ERBB2: variants seen among roughly 807,000 people sequenced by gnomAD.
The protein encoded by ERBB2 is erb-b2 receptor tyrosine kinase 2.
A neutral mutation model predicts 149.0 loss-of-function variants in ERBB2; 61 were observed. The ratio of observed to expected loss-of-function variants is 0.41; its 90% CI spans 0.33 to 0.51. ERBB2 has a LOEUF of 0.51. Among genes scored for constraint, ERBB2 ranks in the 20% least tolerant of loss-of-function variants. The probability of loss-of-function intolerance (pLI) is 0.25; values close to 1 mark genes in which losing one functional copy is unlikely to be tolerated. For synonymous variants in ERBB2, 633 were observed against 678.8 expected, an observed-to-expected ratio of 0.93 and a Z score of 1.05; for missense variants, 1,205 against 1,655.1, an observed-to-expected ratio of 0.73 and a Z score of 4.72.
intron 2 of ERBB2, chr17:39,708,100 G>A (rs1567897924): frequency 8.2e-6 from 4 of 486,150 alleles, no homozygotes; most frequent in Non-Finnish European, 1.5e-5. Flanking sequence ...CGGAGTTTAT[G>A]AAATGCCCCC....
rs2143075844 is a variant in ERBB2, at chr17:39,725,828, T to C, written c.2847T>C (p.Ile949=). 1 of 1,613,904 alleles carries C rather than the reference T, an allele frequency of 6.2e-7. No homozygotes were observed. Among genetic ancestry groups the C allele is most frequent in the Non-Finnish European group, 8.5e-7 (1 of 1,179,948 alleles). The stretch of plus-strand genomic sequence containing the variant: ...TGCCCCAGCCCCCCATCTGCACCAT[T>C]GATGTCTACATGATCATGGTCAAAT... ...ERLPQPPICT[I]DVYMIMVKCW... is the part of the protein sequence containing the mutation. Residue 949 remains isoleucine, a synonymous_variant, in exon 23 of 27, where the codon ATT becomes ATC. Coordinates refer to ENST00000269571, the MANE Select transcript of ERBB2 (RefSeq NM_004448.4). The surrounding 1 kb of genome is among the most constrained non-coding windows in gnomAD (Gnocchi z 4.6).
In ERBB2 at chr17:39,700,176, G is replaced by A. The variant is rs1445466395; in HGVS notation, c.-63G>A. 1.5e-6 allele frequency: 2 copies of A among 1,349,864 alleles called. No individual in the cohort carries two copies. The highest frequency in any genetic ancestry group is 3.8e-5 in the Admixed American group (1 of 26,612). 83.6% of individuals were successfully genotyped at this position (1,349,864 alleles called of 1,614,324 possible). On this transcript the variant is annotated 5_prime_UTR_variant, in exon 1 of 27. Transcript: ENST00000269571. ...CGGCCCCCACCCCTCGCAGCACCCC[G>A]CGCCCCGCGCCCTCCCAGCCGGGTC... is the stretch of plus-strand genomic sequence containing the variant.
Position 39,723,508 on chromosome 17 carries a change from C to A in ERBB2, c.2086-30C>A. ...CCCGCGTGGGGTCTGCACCGGCCCC[C>A]GGCACTGACCCACCACCCCCTCACC... is the stretch of plus-strand genomic sequence containing the variant. On this transcript the variant is annotated intron_variant, in intron 17 of 26. Coordinates refer to ENST00000269571, the MANE Select transcript of ERBB2 (RefSeq NM_004448.4). The surrounding 1 kb of genome is among the most constrained non-coding windows in gnomAD (Gnocchi z 6.2). The A allele has an allele frequency of 6.2e-7, 1 of 1,613,444 alleles. No homozygotes were observed.
At chr17:39,698,111 G>A (rs2057909236), upstream of ERBB2, among the ~76,000 whole-genome samples, 1 of 152,160 alleles carries the variant, frequency 6.6e-6, no homozygotes, top group Non-Finnish European at 1.5e-5. Context: ...ATTATTATGT[G>A]CCAAGTATTG....
In ERBB2 at chr17:39,715,915, G is replaced by A. The variant is rs145762641; in HGVS notation, c.1489G>A (p.Ala497Thr). Reference sequence around the variant, plus strand: ...CCCGCACCAAGCTCTGCTCCACACTGCCAACCGGCCAGAGGACGAGTGTGG... The same window carrying A: ...CCCGCACCAAGCTCTGCTCCACACTACCAACCGGCCAGAGGACGAGTGTGG... Reference protein sequence around the residue: ...RNPHQALLHTANRPEDECVGE... With the variant: ...RNPHQALLHTTNRPEDECVGE... Residue 497 changes from alanine (A) to threonine (T), a missense_variant, in exon 12 of 27, where the codon GCC becomes ACC. Around this residue, in one of 6 missense-constraint regions of ERBB2, gnomAD observed 569 missense variants for 803.5 expected, o/e 0.71. Transcript: ENST00000269571. 65 of 1,611,006 alleles carry A rather than the reference G, an allele frequency of 4.0e-5. No individual in the cohort carries two copies. The African/African-American group carries it at 7.5e-4, about 18-fold the overall frequency.
Position 39,727,620 on chromosome 17 carries a change from G to C in ERBB2, c.3413-69G>C. On this transcript the variant is annotated intron_variant, in intron 26 of 26. Coordinates refer to ENST00000269571, the MANE Select transcript of ERBB2 (RefSeq NM_004448.4). This position sits in a 1 kb window ranked among gnomAD's most constrained non-coding sequence, Gnocchi z 4.3. ...GACCTTCAGCCCAGGGTCCACTGTG[G>C]GGGCAGAGGGAGTGGCAGAGACACC... is the stretch of plus-strand genomic sequence containing the variant. 1 of 1,562,586 alleles carries C rather than the reference G, an allele frequency of 6.4e-7. No individual in the cohort carries two copies. Among genetic ancestry groups the C allele is most frequent in the Non-Finnish European group, 8.6e-7 (1 of 1,158,212 alleles).
upstream of ERBB2, among the ~76,000 whole-genome samples, chr17:39,697,519 G>T (rs1328861322): frequency 1.3e-5 from 2 of 151,796 alleles, no homozygotes; most frequent in Non-Finnish European, 2.9e-5. Flanking sequence ...ACCATGCCCG[G>T]CTAATTTTGT....
intron 8 of ERBB2, 92 bp downstream of exon 8, chr17:39,712,139 A>T: frequency 1.3e-6 from 2 of 1,590,828 alleles, no homozygotes; most frequent in Non-Finnish European, 1.7e-6. Flanking sequence ...CCTTCCTCAG[A>T]CCCTCTTGGG....
rs2145474272 is a variant in ERBB2, at chr17:39,709,394, C to T, written c.516C>T (p.Ile172=). The T allele has an allele frequency of 6.2e-7, 1 of 1,614,080 alleles. No homozygotes were observed. The highest frequency in any genetic ancestry group is 8.5e-7 in the Non-Finnish European group (1 of 1,179,994). The change falls in exon 4 of 27, where the codon ATC becomes ATT. Residue 172 remains isoleucine, a synonymous_variant. Transcript: ENST00000269571. The part of the protein sequence containing the change: ...CYQDTILWKD[I]FHKNNQLALT... Reference sequence around the variant, plus strand: ...AGGACACGATTTTGTGGAAGGACATCTTCCACAAGAACAACCAGCTGGCTC... The same window carrying T: ...AGGACACGATTTTGTGGAAGGACATTTTCCACAAGAACAACCAGCTGGCTC...
rs2059770031 is a variant in ERBB2 at position 39,726,488 on chromosome 17, A to AG, written c.2873-69dup. 8.0e-7 allele frequency: 1 copy of AG among 1,247,030 alleles called. No individual in the cohort carries two copies. The highest frequency in any genetic ancestry group is 1.5e-5 in the African/African-American group (1 of 67,420). The allele number at this position is 1,247,030 out of a possible 1,614,324, so 77.2% of individuals were successfully genotyped here. A position where few individuals can be genotyped will look rare whatever the true frequency, so the allele number is the denominator to read the frequency against. On this transcript the variant is annotated intron_variant, in intron 23 of 26. Transcript: ENST00000269571. The surrounding 1 kb of genome is among the most constrained non-coding windows in gnomAD (Gnocchi z 5.1). The stretch of plus-strand genomic sequence containing the variant: ...CTTGGGACTGTCTAGACCAGACTGG[A>AG]GGGGGAGTGGGAGGGGAGAGGCAGC...
In ERBB2 at chr17:39,700,288, C is replaced by T. The variant is rs2145269330; in HGVS notation, c.50C>T (p.Pro17Leu). 1.4e-6 allele frequency: 2 copies of T among 1,430,432 alleles called. No individual in the cohort carries two copies. Among genetic ancestry groups the T allele is most frequent in the Non-Finnish European group, 1.8e-6 (2 of 1,093,804 alleles). 88.6% of individuals were successfully genotyped at this position (1,430,432 alleles called of 1,614,324 possible). ...TGGGGGCTCCTCCTCGCCCTCTTGC[C>T]CCCCGGAGCCGCGAGCACCCAAGGT... The part of the protein sequence containing the change: ...CRWGLLLALL[P>L]PGAASTQVCT... The change falls in exon 1 of 27, where the codon CCC becomes CTC. Residue 17 changes from proline (P) to leucine (L), a missense_variant. Coordinates refer to ENST00000269571, the MANE Select transcript of ERBB2 (RefSeq NM_004448.4).
rs2145633571 is a variant in ERBB2 at position 39,715,365 on chromosome 17, C to A, written c.1222+6C>A. ...GACTCTGGAAGAGATCACAGGTGGG[C>A]TCTGTCTCTGCATCCTGTTCTGCAG... On this transcript the variant is annotated splice_donor_region_variant and intron_variant, in intron 10 of 26. Coordinates refer to ENST00000269571, the MANE Select transcript of ERBB2 (RefSeq NM_004448.4). 1 of 1,613,992 alleles carries A rather than the reference C, an allele frequency of 6.2e-7. No homozygotes were observed. The highest frequency in any genetic ancestry group is 8.5e-7 in the Non-Finnish European group (1 of 1,179,844).
upstream of ERBB2, among the ~76,000 whole-genome samples, chr17:39,691,490 G>A (rs983768287): frequency 6.7e-6 from 1 of 149,624 alleles, no homozygotes; most frequent in Non-Finnish European, 1.5e-5. Flanking sequence ...GTTGCAGTGA[G>A]CCTGGATTAT....
rs2145579431 is a variant in ERBB2 at position 39,712,424 on chromosome 17, C to T, written c.1124C>T (p.Ala375Val). The stretch of plus-strand genomic sequence containing the variant: ...TGCAAGAAGATCTTTGGGAGCCTGG[C>T]ATTTCTGCCGGAGAGCTTTGATGGG... Reference protein sequence around the residue: ...AGCKKIFGSLAFLPESFDGDP... With the variant: ...AGCKKIFGSLVFLPESFDGDP... Residue 375 changes from alanine (A) to valine (V), a missense_variant, in exon 9 of 27, where the codon GCA becomes GTA. By Grantham distance (64) the Ala-to-Val change is moderately conservative. This residue lies in a region of ERBB2 where 569 missense variants were observed against 803.5 expected (regional missense o/e 0.71). Coordinates refer to ENST00000269571, the MANE Select transcript of ERBB2 (RefSeq NM_004448.4). The T allele has an allele frequency of 6.2e-7, 1 of 1,613,916 alleles. No homozygotes were observed. The highest frequency in any genetic ancestry group is 1.3e-5 in the African/African-American group (1 of 75,034).
In ERBB2 at chr17:39,709,369, A is replaced by G. The variant is rs747995543; in HGVS notation, c.491A>G (p.Gln164Arg). Residue 164 changes from glutamine to arginine, a missense_variant, in exon 4 of 27, where the codon CAG (glutamine) becomes CGG (arginine). This residue lies in a region of ERBB2 where 569 missense variants were observed against 803.5 expected (regional missense o/e 0.71). Coordinates refer to ENST00000269571, the MANE Select transcript of ERBB2 (RefSeq NM_004448.4). Reference protein sequence around the residue: ...LIQRNPQLCYQDTILWKDIFH... With the variant: ...LIQRNPQLCYRDTILWKDIFH... ...CAGCGGAACCCCCAGCTCTGCTACCAGGACACGATTTTGTGGAAGGACATC... is the reference window on the plus strand; with the variant it reads ...CAGCGGAACCCCCAGCTCTGCTACCGGGACACGATTTTGTGGAAGGACATC... 3 of 1,614,090 alleles carry G rather than the reference A, an allele frequency of 1.9e-6. No homozygotes were observed. Among genetic ancestry groups the G allele is most frequent in the East Asian group, 4.5e-5 (2 of 44,876 alleles).
rs760608886 is a variant in ERBB2 at position 39,710,491 on chromosome 17, A to C, written c.901+10A>C. The stretch of plus-strand genomic sequence containing the variant: ...GTGACTGCCTGTCCCTGTGAGTGCC[A>C]GGGAGAAACACAGTTTTCTCATTTT... On this transcript the variant is annotated intron_variant, in intron 7 of 26. Coordinates refer to ENST00000269571, the MANE Select transcript of ERBB2 (RefSeq NM_004448.4). The C allele has an allele frequency of 9.9e-6, 16 of 1,613,712 alleles. No individual in the cohort carries two copies. Among genetic ancestry groups the C allele is most frequent in the Non-Finnish European group, 1.4e-5 (16 of 1,180,030 alleles).
chr17:39,714,795 G>A (rs1236276666), intron 9 of ERBB2, among the ~76,000 whole-genome samples: 1 of 147,522 alleles, frequency 6.8e-6, no homozygotes, highest in Admixed American at 6.8e-5. Flanking sequence ...TTTTGAGACA[G>A]AGTCTCGCTT....
rs1689724651 is a variant in ERBB2 at position 39,711,368 on chromosome 17, T to G, written c.902-560T>G. Among the ~76,000 whole-genome samples the G allele has an allele frequency of 2.0e-5, 3 of 152,134 alleles. No homozygotes were observed. In the South Asian group the frequency reaches 6.2e-4, roughly 32 times the overall value. ...CACCATGGCTGGGTAATTTTTGTAT[T>G]TTTAGTAGAGACGGAGTTTCACTAT... On this transcript the variant is annotated intron_variant, in intron 7 of 26. Transcript: ENST00000269571.
upstream of ERBB2, among the ~76,000 whole-genome samples, chr17:39,698,409 G>A (rs2057921442): frequency 6.6e-6 from 1 of 151,892 alleles, no homozygotes; most frequent in Non-Finnish European, 1.5e-5. Flanking sequence ...ACAGGCACCC[G>A]CCACCACACC....
Sources: gnomAD v4.1 joint callset for allele counts (sites outside exome capture counted in the v4.1 genomes callset) on GRCh38, gnomAD v4.1.1 for gene constraint, gnomAD v4.1.1 regional missense constraint, Gnocchi (gnomAD v3.1) non-coding constraint, MANE v1.5 for transcripts, NCBI Gene and HGNC (gene_info 2026-07-23, HGNC 2026-07-21) for gene names.